NPY2R: variants seen among roughly 807,000 people sequenced by gnomAD.
The protein encoded by NPY2R is neuropeptide Y receptor type 2.
A neutral mutation model predicts 22.3 loss-of-function variants in NPY2R; 17 were observed. That is an observed-to-expected ratio of 0.76 (90% CI 0.52 to 1.14). The LOEUF is 1.14. Among genes scored for constraint, NPY2R ranks in the 50% most tolerant of loss-of-function variants. The probability of loss-of-function intolerance (pLI) is 0.00; values close to 1 mark genes in which losing one functional copy is unlikely to be tolerated. For missense variants in NPY2R, 424 were observed against 467.9 expected, an observed-to-expected ratio of 0.91 and a Z score of 0.87; for synonymous variants, 209 against 183.4, an observed-to-expected ratio of 1.14 and a Z score of -1.13.
At position 155,214,947 on chromosome 4, in the gene NPY2R, CCT is replaced by C; in HGVS notation, c.1012_1013del (p.Ser338GlyfsTer5). On this transcript the variant is annotated frameshift_variant, in exon 2 of 2. Coordinates refer to ENST00000329476, the MANE Select transcript of NPY2R (RefSeq NM_000910.4). LOFTEE classifies it high-confidence loss of function. ...WMNSNYRKAF[L>X]SAFRCEQRLD... ...TGAACAGCAACTACAGAAAGGCTTT[CCT>C]CTCGGCCTTCCGCTGTGAGCAGCGG... The C allele has an allele frequency of 1.2e-6, 2 of 1,614,204 alleles. No individual in the cohort carries two copies. The highest frequency in any genetic ancestry group is 1.7e-6 in the Non-Finnish European group (2 of 1,180,016).
the NPY2R span, among the ~76,000 whole-genome samples, chr4:155,175,737 T>A: frequency 9.5e-4 from 145 of 152,234 alleles, no homozygotes; most frequent in African/African-American, 3.4e-3. Context: ...GTACTAATTT[T>A]CTGTTTGTTC....
chr4:155,212,211 A>C (rs1268002560), intron 1 of NPY2R, among the ~76,000 whole-genome samples: 1 of 152,238 alleles, frequency 6.6e-6, no homozygotes. Flanking sequence ...ACAAATTCAT[A>C]AAAGAAGCTC....
At chr4:155,209,937 GGGT>G (rs1322352621) in intron 1 of NPY2R, among the ~76,000 whole-genome samples, 1 of 151,988 alleles carries the variant, frequency 6.6e-6, no homozygotes, top group East Asian at 1.9e-4. Context: ...TTTGAATCTC[GGGT>G]GGTGGGCTGC....
At chr4:155,174,495 T>TTA in the NPY2R span, among the ~76,000 whole-genome samples, 1 of 145,596 alleles carries the variant, frequency 6.9e-6, no homozygotes, top group African/African-American at 2.6e-5. Context: ...TTTTTTTTTT[T>TTA]AAATCTCTAC....
At chr4:155,174,571 AC>A in the NPY2R span, among the ~76,000 whole-genome samples, 6 of 150,650 alleles carry the variant, frequency 4.0e-5, 1 homozygote, top group Non-Finnish European at 3.0e-5. Context: ...TAAGAAGAGA[AC>A]TTTTACTATA....
Position 155,214,821 on chromosome 4 carries a change from C to A in NPY2R, c.882C>A (p.Asp294Glu). The A allele has an allele frequency of 6.2e-7, 1 of 1,611,630 alleles. No individual in the cohort carries two copies. Among genetic ancestry groups the A allele is most frequent in the Non-Finnish European group, 8.5e-7 (1 of 1,178,362 alleles). ...LHAFQLAVDI[D>E]SQVLDLKEYK... ...CCTTCCAGCTTGCCGTTGACATTGA[C>A]AGCCAGGTCCTGGACCTGAAGGAGT... Residue 294 changes from aspartate (D) to glutamate (E), a missense_variant, in exon 2 of 2, where the codon GAC (aspartate) becomes GAA (glutamate). Physicochemically the swap from Asp to Glu is conservative, Grantham distance 45. Transcript: ENST00000329476.
At chr4:155,174,341 A>G in the NPY2R span, 1 of 151,408 alleles carries the variant, frequency 6.6e-6, no homozygotes, top group Non-Finnish European at 1.5e-5. Context: ...TATTCTATTC[A>G]CATTTGCCAA....
chr4:155,186,166 A>C, the NPY2R span, among the ~76,000 whole-genome samples: 4 of 152,204 alleles, frequency 2.6e-5, no homozygotes, highest in African/African-American at 9.7e-5. Flanking sequence ...GTCCAAGGTT[A>C]TACAGTTAAT....
intron 1 of NPY2R, among the ~76,000 whole-genome samples, chr4:155,211,568 G>A (rs1222069540): frequency 2.0e-5 from 3 of 152,216 alleles, no homozygotes; most frequent in Admixed American, 6.5e-5. Context: ...TTGTCAACCT[G>A]TGGGTGCAGA....
chr4:155,203,597 A>C, the NPY2R span, among the ~76,000 whole-genome samples: 6 of 152,158 alleles, frequency 3.9e-5, no homozygotes, highest in Admixed American at 6.6e-5. Context: ...CATGAAAGGA[A>C]AAGCAGGCAT....
the NPY2R span, among the ~76,000 whole-genome samples, chr4:155,181,187 A>G: frequency 7.2e-5 from 11 of 152,072 alleles, no homozygotes; most frequent in Admixed American, 7.2e-4. Context: ...AAAGTTACAC[A>G]GCACGTGGAT....
At chr4:155,189,131 G>T in the NPY2R span, among the ~76,000 whole-genome samples, 1 of 151,970 alleles carries the variant, frequency 6.6e-6, no homozygotes, top group Admixed American at 6.6e-5. Context: ...TGTTTACATT[G>T]CTACCAGAAT....
In NPY2R at chr4:155,214,387, A is replaced by G; in HGVS notation, c.448A>G (p.Arg150Gly). 1 of 1,614,134 alleles carries G rather than the reference A, an allele frequency of 6.2e-7. No homozygotes were observed. Among genetic ancestry groups the G allele is most frequent in the South Asian group, 1.1e-5 (1 of 91,068 alleles). The change falls in exon 2 of 2, where the codon AGG (arginine) becomes GGG (glycine). Residue 150 changes from arginine (R) to glycine (G), a missense_variant. Coordinates refer to ENST00000329476, the MANE Select transcript of NPY2R (RefSeq NM_000910.4). ...TLTVIALDRH[R>G]CIVYHLESKI... ...GACAGTAATTGCCCTGGACCGGCAC[A>G]GGTGCATCGTCTACCACCTAGAGAG...
chr4:155,208,701 C>G lies in NPY2R; in HGVS notation c.-417C>G, dbSNP rs1729334132. ...ACTTCTCCTCCAGTCCCCTCCCCTGCAGGACCATCGCCCGCAGCCTCTGCA... is the reference window on the plus strand; with the variant it reads ...ACTTCTCCTCCAGTCCCCTCCCCTGGAGGACCATCGCCCGCAGCCTCTGCA... On this transcript the variant is annotated 5_prime_UTR_variant, in exon 1 of 2. Coordinates refer to ENST00000329476, the MANE Select transcript of NPY2R (RefSeq NM_000910.4). This position sits in a 1 kb window ranked among gnomAD's most constrained non-coding sequence, Gnocchi z 5.6. 6.5e-6 allele frequency: 1 copy of G among 152,930 alleles called. No individual in the cohort carries two copies. The highest frequency in any genetic ancestry group is 2.4e-5 in the African/African-American group (1 of 41,466). 9.5% of individuals were successfully genotyped at this position (152,930 alleles called of 1,614,324 possible). A position where few individuals can be genotyped will look rare whatever the true frequency, so the allele number is the denominator to read the frequency against.
At chr4:155,183,574 TG>T in the NPY2R span, among the ~76,000 whole-genome samples, 1 of 152,162 alleles carries the variant, frequency 6.6e-6, no homozygotes, top group Non-Finnish European at 1.5e-5. Flanking sequence ...CATACATTTA[TG>T]GGCAATTTTT....
At position 155,214,629 on chromosome 4, in the gene NPY2R, G is replaced by A; in HGVS notation, c.690G>A (p.Leu230=). 6.2e-7 allele frequency: 1 copy of A among 1,614,168 alleles called. No homozygotes were observed. Among genetic ancestry groups the A allele is most frequent in the Non-Finnish European group, 8.5e-7 (1 of 1,180,024 alleles). ...SLSSLLILYV[L]PLGIISFSYT... ...CTTCCTTGTTGATCTTGTATGTTTT[G>A]CCTCTGGGCATTATATCATTTTCCT... is the stretch of plus-strand genomic sequence containing the variant. The change falls in exon 2 of 2, where the codon TTG becomes TTA. Residue 230 remains leucine, a synonymous_variant. Transcript: ENST00000329476.
upstream of NPY2R, among the ~76,000 whole-genome samples, chr4:155,206,161 C>T (rs1394011814): frequency 6.6e-6 from 1 of 152,204 alleles, no homozygotes; most frequent in East Asian, 1.9e-4. Context: ...ATGCAGGCAT[C>T]TGAGTTTGAG....
the NPY2R span, among the ~76,000 whole-genome samples, chr4:155,197,185 C>T: frequency 6.6e-6 from 1 of 151,734 alleles, no homozygotes; most frequent in South Asian, 2.1e-4. Context: ...AATTTACATC[C>T]AACTTCATAT....
the NPY2R span, among the ~76,000 whole-genome samples, chr4:155,187,497 A>G: frequency 6.6e-6 from 1 of 152,152 alleles, no homozygotes; most frequent in Non-Finnish European, 1.5e-5. Flanking sequence ...ACCAGTAGAT[A>G]TAAAACCTAG....
Sources: gnomAD v4.1 joint callset for allele counts (sites outside exome capture counted in the v4.1 genomes callset) on GRCh38, gnomAD v4.1.1 for gene constraint, Gnocchi (gnomAD v3.1) non-coding constraint, MANE v1.5 for transcripts, NCBI Gene and HGNC (gene_info 2026-07-23, HGNC 2026-07-21) for gene names.